The following SUN5 variants were observed in gnomAD, a reference collection of about 807,000 sequenced individuals.
SUN5 encodes the protein Sad1 and UNC84 domain containing 5.
A neutral mutation model predicts 53.7 loss-of-function variants in SUN5; 44 were observed. The ratio of observed to expected loss-of-function variants is 0.82; its 90% CI spans 0.64 to 1.05. The LOEUF is 1.05. SUN5 is among the 50% of genes least tolerant of loss of function. The pLI is 0.00. For synonymous variants in SUN5, 166 were observed against 179.8 expected, an observed-to-expected ratio of 0.92 and a Z score of 0.62; for missense variants, 433 against 483.8, an observed-to-expected ratio of 0.90 and a Z score of 0.98.
intron 4 of SUN5, among the ~76,000 whole-genome samples, chr20:33,000,816 G>T (rs932514699): frequency 2.0e-5 from 3 of 150,242 alleles, no homozygotes; most frequent in African/African-American, 7.4e-5. Flanking sequence ...CCGCACTCCA[G>T]CCCTGGCGGT....
At chr20:33,001,522 C>CTTTCTTTCTTTCTTTCTT (rs1990018059) in intron 3 of SUN5, among the ~76,000 whole-genome samples, 2 of 113,316 alleles carry the variant, frequency 1.8e-5, no homozygotes, top group African/African-American at 8.9e-5. Flanking sequence ...TTTCTTTCTT[C>CTTTCTTTCTTTCTTTCTT]TTTCTTTCTT....
At chr20:32,985,030 G>A (rs887621902) in intron 12 of SUN5, 69 bp downstream of exon 12, 3 of 1,512,158 alleles carry the variant, frequency 2.0e-6, no homozygotes, top group Non-Finnish European at 2.7e-6. Context: ...ATGAAGAGGG[G>A]GTCCCTGGGT....
At chr20:32,988,195 CG>C (rs1351151778) in intron 9 of SUN5, among the ~76,000 whole-genome samples, 1 of 152,136 alleles carries the variant, frequency 6.6e-6, no homozygotes, top group East Asian at 1.9e-4. Context: ...GCGCTCCCCA[CG>C]TAACAGTCTT....
intron 8 of SUN5, among the ~76,000 whole-genome samples, chr20:32,992,229 C>A (rs1191936200): frequency 6.6e-6 from 1 of 152,184 alleles, no homozygotes; most frequent in Non-Finnish European, 1.5e-5. Flanking sequence ...CACATTGTAA[C>A]AACCAAATAT....
At position 32,985,175 on chromosome 20, in the gene SUN5, C is replaced by A; in HGVS notation, c.908G>T (p.Gly303Val). ...PKDFVIYGME[G>V]SPKEEVFLGA... ...CAGGAACACCTCCTCCTTGGGGGAG[C>A]CCTCCATGCCCTGTGGAACCAGAAC... Residue 303 changes from glycine (G) to valine (V), a missense_variant, in exon 12 of 13, where the codon GGC (glycine) becomes GTC (valine). Physicochemically the swap from Gly to Val is moderately radical, Grantham distance 109. Transcript: ENST00000356173. The A allele has an allele frequency of 1.2e-6, 2 of 1,613,814 alleles. No homozygotes were observed. The highest frequency in any genetic ancestry group is 1.7e-6 in the Non-Finnish European group (2 of 1,179,896).
At chr20:32,997,154 AG>A (rs560253361) in intron 6 of SUN5, among the ~76,000 whole-genome samples, 162 of 152,300 alleles carry the variant, frequency 1.1e-3, no homozygotes, top group Admixed American at 1.9e-3. Context: ...GGAGGAAAAG[AG>A]GAGAGGGAGG....
At chr20:32,996,517 C>T (rs976337589) in intron 6 of SUN5, among the ~76,000 whole-genome samples, 159 bp from the exon 7 acceptor site, 2 of 152,176 alleles carry the variant, frequency 1.3e-5, no homozygotes, top group African/African-American at 4.8e-5. Context: ...TTTCTCCAAA[C>T]TCTAATTTAC....
chr20:32,993,957 A>G (rs1457232856), intron 8 of SUN5, among the ~76,000 whole-genome samples: 2 of 152,202 alleles, frequency 1.3e-5, no homozygotes, highest in East Asian at 3.8e-4. Flanking sequence ...CACTAAATCA[A>G]TCCTGGGCAC....
intron 10 of SUN5, 143 bp from the exon 11 acceptor site, chr20:32,986,046 G>A: frequency 1.1e-6 from 1 of 892,524 alleles, no homozygotes; most frequent in Non-Finnish European, 1.7e-6. Context: ...ACCCCCTCCA[G>A]GAAGCTCTCC....
At chr20:32,999,768 G>C in intron 5 of SUN5, 2 of 740,410 alleles carry the variant, frequency 2.7e-6, no homozygotes, top group Non-Finnish European at 4.3e-6. Context: ...CCTTTGCTTG[G>C]GAAAGCTAAG....
chr20:33,003,990 G>A (rs570019069), intron 1 of SUN5, among the ~76,000 whole-genome samples: 35 of 152,314 alleles, frequency 2.3e-4, no homozygotes, highest in Middle Eastern at 3.4e-3. Flanking sequence ...ATGAGGGAAC[G>A]GAGCACATCA....
At chr20:33,004,169 A>C (rs1354587417) in intron 1 of SUN5, 95 bp downstream of exon 1, 5 of 1,343,116 alleles carry the variant, frequency 3.7e-6, no homozygotes, top group Admixed American at 5.4e-5. Context: ...TGTACAGTAC[A>C]GTTGACAATG....
In SUN5 at chr20:32,996,340, G is replaced by A. The variant is rs1989846846; in HGVS notation, c.409C>T (p.Pro137Ser). Residue 137 changes from proline to serine, a missense_variant, in exon 7 of 13, where the codon CCA (proline) becomes TCA (serine). Transcript: ENST00000356173. ...KVWQDDSING[P>S]LQSLRLYQEK... Reference sequence around the variant, plus strand: ...TCCTCTTACCTCAAGCTCTGCAGTGGACCATTTATGCTGTCATCCTGGTGG... The same window carrying A: ...TCCTCTTACCTCAAGCTCTGCAGTGAACCATTTATGCTGTCATCCTGGTGG... 2.5e-6 allele frequency: 4 copies of A among 1,613,320 alleles called. No homozygotes were observed. Among genetic ancestry groups the A allele is most frequent in the Non-Finnish European group, 3.4e-6 (4 of 1,179,460 alleles).
intron 8 of SUN5, among the ~76,000 whole-genome samples, chr20:32,994,789 C>T (rs1425174503): frequency 7.5e-6 from 1 of 132,684 alleles, no homozygotes; most frequent in African/African-American, 2.6e-5. Flanking sequence ...ATCCCAGCTA[C>T]TCAGGTGTAG....
At position 32,987,642 on chromosome 20, in the gene SUN5, T is replaced by TCCCGCCATCC. The variant is rs1482136054; in HGVS notation, c.729+8_729+17dup. On this transcript the variant is annotated intron_variant, in intron 10 of 12. Coordinates refer to ENST00000356173, the MANE Select transcript of SUN5 (RefSeq NM_080675.4). ...ACCACTCCCCTGCCGCTGTCCCATC[T>TCCCGCCATCC]CCCGCCATCCCCCCTGCCTCAAGGA... 1.3e-6 allele frequency: 2 copies of TCCCGCCATCC among 1,521,100 alleles called. No homozygotes were observed. The highest frequency in any genetic ancestry group is 1.8e-6 in the Non-Finnish European group (2 of 1,123,912). 94.2% of individuals were successfully genotyped at this position (1,521,100 alleles called of 1,614,324 possible).
Position 32,987,672 on chromosome 20 carries a change from G to A in SUN5, c.717C>T (p.Asp239=), listed in dbSNP as rs142319289. Residue 239 remains aspartate, a synonymous_variant, in exon 10 of 13, where the codon GAC becomes GAT. Transcript: ENST00000356173. ...CCATCCCCCCTGCCTCAAGGATCAC[G>A]TCTGGGGGCTGTGCGTAGTTCCACA... The part of the protein sequence containing the change: ...IQLWNYAQPP[D]VILEPNVTPG... 7.5e-6 allele frequency: 12 copies of A among 1,609,208 alleles called. No homozygotes were observed. Among genetic ancestry groups the A allele is most frequent in the Admixed American group, 6.7e-5 (4 of 59,422 alleles).
intron 10 of SUN5, among the ~76,000 whole-genome samples, chr20:32,986,469 G>A (rs915101954): frequency 1.3e-5 from 2 of 152,178 alleles, no homozygotes; most frequent in African/African-American, 2.4e-5. Flanking sequence ...GCGATTACTC[G>A]GTCGGTTCTG....
chr20:32,998,731 G>T (rs1989919387), intron 5 of SUN5, among the ~76,000 whole-genome samples: 1 of 151,860 alleles, frequency 6.6e-6, no homozygotes, highest in Admixed American at 6.6e-5. Context: ...TCAAGAAAAA[G>T]AAGTAGGCCA....
chr20:32,985,626 C>T, intron 11 of SUN5, 110 bp downstream of exon 11: 1 of 1,366,926 alleles, frequency 7.3e-7, no homozygotes, highest in Non-Finnish European at 1.0e-6. Context: ...TGCATTCAGC[C>T]CCTCCAGCCT....
Sources: allele counts gnomAD v4.1 joint callset (sites outside exome capture counted in the v4.1 genomes callset), GRCh38; gene constraint gnomAD v4.1.1; transcripts MANE v1.5; gene names NCBI Gene and HGNC (gene_info 2026-07-23, HGNC 2026-07-21).